Variants in LPAR4 observed in about 807,000 individuals in gnomAD.
The protein encoded by LPAR4 is lysophosphatidic acid receptor 4.
A neutral mutation model predicts 9.2 loss-of-function variants in LPAR4; 14 were observed. That is an observed-to-expected ratio of 1.51 (90% CI 1.00 to 2.37). LPAR4 has a LOEUF of 2.37. Among genes scored for constraint, LPAR4 ranks in the 30% most tolerant of loss-of-function variants. The pLI, the probability that LPAR4 is intolerant of heterozygous loss-of-function variation, is 0.00. For missense variants in LPAR4, 251 were observed against 272.1 expected, an observed-to-expected ratio of 0.92 and a Z score of 0.55; for synonymous variants, 131 against 97.9, an observed-to-expected ratio of 1.34 and a Z score of -1.99.
chrX:78,750,877 TTA>T (rs1221533049), intron 3 of LPAR4, 85 bp downstream of exon 3: 1 of 111,636 alleles, frequency 9.0e-6, no homozygotes, highest in Admixed American at 9.5e-5. Context: ...GGAAATATTT[TTA>T]TGTCTTTTGT....
intron 4 of LPAR4, among the ~76,000 whole-genome samples, chrX:78,753,960 G>A (rs941713335): frequency 1.8e-5 from 2 of 111,403 alleles, no homozygotes; most frequent in African/African-American, 6.5e-5. Context: ...TTTCTTGTCT[G>A]TCCTTTCTCT....
Position 78,757,634 on chromosome X carries a change from A to G in LPAR4, c.*1652A>G, listed in dbSNP as rs1405134070. Among the ~76,000 whole-genome samples the G allele has an allele frequency of 2.7e-5, 3 of 111,913 alleles. No homozygotes were observed. The highest frequency in any genetic ancestry group is 9.7e-5 in the African/African-American group (3 of 30,892). On this transcript the variant is annotated 3_prime_UTR_variant, in exon 5 of 5. Coordinates refer to ENST00000614823, the MANE Select transcript of LPAR4 (RefSeq NM_001278000.3). ...TAAATATAACTTCTGAGCTTGAAAGATGCTACATTTGTGCTCAAGTCAGGA... is the reference window on the plus strand; with the variant it reads ...TAAATATAACTTCTGAGCTTGAAAGGTGCTACATTTGTGCTCAAGTCAGGA...
rs1372752229 is a variant in LPAR4, at chrX:78,747,836, C to A, written c.-493C>A. 2 of 92,346 alleles carry A rather than the reference C, an allele frequency of 2.2e-5. No individual in the cohort carries two copies. The highest frequency in any genetic ancestry group is 4.1e-5 in the Non-Finnish European group (2 of 48,991). The allele number at this position is 92,346 out of a possible 1,213,427, so 7.6% of individuals were successfully genotyped here. A position where few individuals can be genotyped will look rare whatever the true frequency, so the allele number is the denominator to read the frequency against. On this transcript the variant is annotated 5_prime_UTR_variant, in exon 1 of 5. Transcript: ENST00000614823. ...TCACATTTACAGAATGAGCGGTTTG[C>A]AGTAAAAAGCTGCGGCAGCCCAGAG...
chrX:78,753,562 C>T (rs978122437), intron 4 of LPAR4, among the ~76,000 whole-genome samples: 2 of 111,314 alleles, frequency 1.8e-5, no homozygotes, highest in Non-Finnish European at 3.8e-5. Context: ...CTTCAGTATA[C>T]CAAAAAAGAC....
In LPAR4 at chrX:78,755,268, T is replaced by C; in HGVS notation, c.399T>C (p.Ser133=). The C allele has an allele frequency of 8.3e-7, 1 of 1,210,688 alleles. No homozygotes were observed. Among genetic ancestry groups the C allele is most frequent in the Non-Finnish European group, 1.1e-6 (1 of 894,777 alleles). The change falls in exon 5 of 5, where the codon AGT becomes AGC. Residue 133 remains serine, a synonymous_variant. Transcript: ENST00000614823. ...GCATGCTCTTTCTCACCTGTATTAG[T>C]GTGGATCGTTTCCTGGCCATTGTCT... ...YGSMLFLTCI[S]VDRFLAIVYP...
chrX:78,750,806 A>C lies in LPAR4; in HGVS notation c.-182+14A>C, dbSNP rs779272613. On this transcript the variant is annotated intron_variant, in intron 3 of 4. Transcript: ENST00000614823. ...AAAAGACCCAATGTAAGTTCATGCCAAAACAAAATTCTCCTTTGTTTTGGT... is the reference window on the plus strand; with the variant it reads ...AAAAGACCCAATGTAAGTTCATGCCCAAACAAAATTCTCCTTTGTTTTGGT... The C allele has an allele frequency of 1.4e-3, 155 of 111,277 alleles. 1 individual carries two copies. The highest frequency in any genetic ancestry group is 4.9e-3 in the African/African-American group (150 of 30,737). The allele number at this position is 111,277 out of a possible 1,213,427, so 9.2% of individuals were successfully genotyped here.
At position 78,757,091 on chromosome X, in the gene LPAR4, A is replaced by C. The variant is rs185767671; in HGVS notation, c.*1109A>C. The C allele has an allele frequency of 2.5e-5, 3 of 120,929 alleles. No individual in the cohort carries two copies. Among genetic ancestry groups the C allele is most frequent in the African/African-American group, 9.9e-5 (3 of 30,353 alleles). The allele number at this position is 120,929 out of a possible 1,213,427, so 10.0% of individuals were successfully genotyped here. ...GATTGGAAGCAAATAAAAAAAAAAA[A>C]CAACACATAAACTAAACCAAACCAA... On this transcript the variant is annotated 3_prime_UTR_variant, in exon 5 of 5. Transcript: ENST00000614823.
chrX:78,754,873 G>A lies in LPAR4; in HGVS notation c.4G>A (p.Gly2Ser), dbSNP rs773959215. 26 of 1,189,279 alleles carry A rather than the reference G, an allele frequency of 2.2e-5. No homozygotes were observed. Among genetic ancestry groups the A allele is most frequent in the African/African-American group, 3.5e-5 (2 of 56,545 alleles). The change falls in exon 5 of 5, where the codon GGT (glycine) becomes AGT (serine). Residue 2 changes from glycine to serine, a missense_variant. Coordinates refer to ENST00000614823, the MANE Select transcript of LPAR4 (RefSeq NM_001278000.3). ...AGGCCTCCTGAAAAAAAAGTCCATG[G>A]GTGACAGAAGATTCATTGACTTCCA... M[G>S]DRRFIDFQFQ...
chrX:78,753,860 G>T (rs187013905), intron 4 of LPAR4, among the ~76,000 whole-genome samples: 7 of 111,872 alleles, frequency 6.3e-5, no homozygotes, highest in Admixed American at 9.5e-5. Context: ...AGACGGCAAA[G>T]GTGGTTGTGT....
chrX:78,748,317 A>T (rs1276076327), intron 1 of LPAR4, among the ~76,000 whole-genome samples: 2 of 112,402 alleles, frequency 1.8e-5, no homozygotes. Context: ...AGTGTAGAAC[A>T]ATTTAGAAAG....
chrX:78,751,970 T>C (rs1421955705), intron 4 of LPAR4, among the ~76,000 whole-genome samples: 5 of 110,687 alleles, frequency 4.5e-5, no homozygotes, highest in African/African-American at 1.3e-4. Context: ...AAGTGAAGTG[T>C]TAATAAGAGA....
In LPAR4 at chrX:78,757,505, C is replaced by T. The variant is rs1208418260; in HGVS notation, c.*1523C>T. Reference sequence around the variant, plus strand: ...ATTAAAAACAGTATTTTAAAATCTACAAAAAAAGAGAAAATTTTTTTATAA... The same window carrying T: ...ATTAAAAACAGTATTTTAAAATCTATAAAAAAAGAGAAAATTTTTTTATAA... On this transcript the variant is annotated 3_prime_UTR_variant, in exon 5 of 5. Coordinates refer to ENST00000614823, the MANE Select transcript of LPAR4 (RefSeq NM_001278000.3). 9.0e-6 allele frequency among the ~76,000 whole-genome samples: 1 copy of T among 111,377 alleles called. No individual in the cohort carries two copies. The highest frequency in any genetic ancestry group is 1.9e-5 in the Non-Finnish European group (1 of 52,864).
At position 78,757,605 on chromosome X, in the gene LPAR4, C is replaced by A. The variant is rs1925360685; in HGVS notation, c.*1623C>A. 9.0e-6 allele frequency among the ~76,000 whole-genome samples: 1 copy of A among 111,519 alleles called. No individual in the cohort carries two copies. The highest frequency in any genetic ancestry group is 9.6e-5 in the Admixed American group (1 of 10,463). ...AAGTGGATATTTAAGAATATTAGAA[C>A]TTGTAAATATAACTTCTGAGCTTGA... is the stretch of plus-strand genomic sequence containing the variant. On this transcript the variant is annotated 3_prime_UTR_variant, in exon 5 of 5. Transcript: ENST00000614823.
At chrX:78,753,440 A>G (rs1200458424) in intron 4 of LPAR4, among the ~76,000 whole-genome samples, 1 of 111,408 alleles carries the variant, frequency 9.0e-6, no homozygotes, top group African/African-American at 3.3e-5. Flanking sequence ...TTGAGGGCAC[A>G]CTCCTGGATT....
rs1461061047 is a variant in LPAR4 at position 78,755,485 on chromosome X, A to G, written c.616A>G (p.Ile206Val). The change falls in exon 5 of 5, where the codon ATA becomes GTA. Residue 206 changes from isoleucine to valine, a missense_variant. Transcript: ENST00000614823. ...VWKTYLSKIT[I>V]FIEVVGFIIP... ...GAAGACTTATTTATCCAAGATCACA[A>G]TATTTATTGAAGTTGTTGGGTTTAT... The G allele has an allele frequency of 3.3e-6, 4 of 1,208,378 alleles. No individual in the cohort carries two copies. The African/African-American group carries it at 5.3e-5, about 16-fold the overall frequency.
In LPAR4 at chrX:78,755,884, C is replaced by A; in HGVS notation, c.1015C>A (p.Pro339Thr). 1 of 1,207,943 alleles carries A rather than the reference C, an allele frequency of 8.3e-7. No homozygotes were observed. Among genetic ancestry groups the A allele is most frequent in the Non-Finnish European group, 1.1e-6 (1 of 892,274 alleles). Residue 339 changes from proline to threonine, a missense_variant, in exon 5 of 5, where the codon CCT (proline) becomes ACT (threonine). Pro to Thr is a conservative substitution (Grantham distance 38, BLOSUM62 -1). Transcript: ENST00000614823. ...GGAGTCCCTGTTTAAGACTGAAACA[C>A]CTTTGACCACAAAGCCTTCCCTTCC... is the stretch of plus-strand genomic sequence containing the variant. ...RMESLFKTET[P>T]LTTKPSLPAI...
At position 78,757,551 on chromosome X, in the gene LPAR4, C is replaced by A; in HGVS notation, c.*1569C>A. ...TATAATTTACTTAAACCGCAAAAAT[C>A]TTTAAAACTCTTACTAGTTTTTAAA... On this transcript the variant is annotated 3_prime_UTR_variant, in exon 5 of 5. Coordinates refer to ENST00000614823, the MANE Select transcript of LPAR4 (RefSeq NM_001278000.3). 9.0e-6 allele frequency among the ~76,000 whole-genome samples: 1 copy of A among 111,415 alleles called. No individual in the cohort carries two copies. The highest frequency in any genetic ancestry group is 2.8e-4 in the East Asian group (1 of 3,583).
chrX:78,749,928 T>A (rs757379713), intron 1 of LPAR4, among the ~76,000 whole-genome samples: 165 of 111,487 alleles, frequency 1.5e-3, no homozygotes, highest in African/African-American at 4.9e-3. Context: ...GAAGAGAAAC[T>A]GAGACTCAGA....
rs1401165609 is a variant in LPAR4 at position 78,757,748 on chromosome X, A to G, written c.*1766A>G. ...AAATGTTAAACCCTGAAAAACAACAAAAATATTTTAAAATGTGCATTAATC... is the reference window on the plus strand; with the variant it reads ...AAATGTTAAACCCTGAAAAACAACAGAAATATTTTAAAATGTGCATTAATC... On this transcript the variant is annotated 3_prime_UTR_variant, in exon 5 of 5. Transcript: ENST00000614823. 9.0e-6 allele frequency among the ~76,000 whole-genome samples: 1 copy of G among 111,663 alleles called. No individual in the cohort carries two copies. Among genetic ancestry groups the G allele is most frequent in the African/African-American group, 3.2e-5 (1 of 30,783 alleles).
Sources: allele counts gnomAD v4.1 joint callset (sites outside exome capture counted in the v4.1 genomes callset), GRCh38; gene constraint gnomAD v4.1.1; transcripts MANE v1.5; gene names NCBI Gene and HGNC (gene_info 2026-07-23, HGNC 2026-07-21).